RGS5: variants seen among roughly 807,000 people sequenced by gnomAD.
RGS5 encodes regulator of G-protein signalling 5.
Under a neutral mutation model 18.9 loss-of-function variants are expected in RGS5, and 20 were observed. The observed-to-expected ratio is 1.06, with a 90% CI of 0.74 to 1.54. RGS5 has a LOEUF of 1.54. RGS5 is among the 40% of genes most tolerant of loss of function. The probability of loss-of-function intolerance (pLI) is 0.00; values close to 1 mark genes in which losing one functional copy is unlikely to be tolerated. For missense variants in RGS5, 201 were observed against 211.8 expected, an observed-to-expected ratio of 0.95 and a Z score of 0.32; for synonymous variants, 57 against 76.2, an observed-to-expected ratio of 0.75 and a Z score of 1.31.
chr1:163,233,822 G>C (rs1401800514), intron 2 of RGS5, among the ~76,000 whole-genome samples: 5 of 152,112 alleles, frequency 3.3e-5, no homozygotes, highest in African/African-American at 1.2e-4. Context: ...CTATCACAAA[G>C]TACATTATCA....
chr1:163,262,980 T>C (rs1262321090), intron 2 of RGS5, among the ~76,000 whole-genome samples: 2 of 152,164 alleles, frequency 1.3e-5, no homozygotes, highest in African/African-American at 4.8e-5. Flanking sequence ...CATAAACTGA[T>C]AGGGCAGCAT....
chr1:163,167,692 T>C (rs933648078), intron 2 of RGS5, among the ~76,000 whole-genome samples: 1 of 152,174 alleles, frequency 6.6e-6, no homozygotes, highest in Non-Finnish European at 1.5e-5. Flanking sequence ...AAATAGCTAG[T>C]CCAGTATTCG....
chr1:163,152,159 G>A (rs1378883650), intron 4 of RGS5, among the ~76,000 whole-genome samples: 1 of 152,132 alleles, frequency 6.6e-6, no homozygotes, highest in East Asian at 1.9e-4. Context: ...TCAGATCAGA[G>A]ATGTTCAACC....
chr1:163,285,952 T>A (rs1557931154), intron 2 of RGS5, among the ~76,000 whole-genome samples: 2 of 151,934 alleles, frequency 1.3e-5, no homozygotes, highest in Admixed American at 6.6e-5. Flanking sequence ...CTCAGGTATG[T>A]CTTTATAGCA....
At chr1:163,208,967 C>A (rs1245780483) in intron 1 of RGS5, among the ~76,000 whole-genome samples, 1 of 152,050 alleles carries the variant, frequency 6.6e-6, no homozygotes, top group African/African-American at 2.4e-5. Context: ...ACTCTACACC[C>A]TGCTAATAGA....
At chr1:163,152,744 G>T (rs952790604) in intron 3 of RGS5, 28 bp from the exon 4 acceptor site, 8 of 1,545,048 alleles carry the variant, frequency 5.2e-6, no homozygotes, top group Non-Finnish European at 6.1e-6. Flanking sequence ...GTCAGCTGGA[G>T]AAATTTATTA....
intron 2 of RGS5, among the ~76,000 whole-genome samples, chr1:163,249,890 C>T (rs986255186): frequency 5.9e-5 from 9 of 152,334 alleles, no homozygotes; most frequent in African/African-American, 2.2e-4. Flanking sequence ...GAGTTCACAT[C>T]ATAAAGCACT....
intron 2 of RGS5, among the ~76,000 whole-genome samples, chr1:163,224,601 A>C (rs1192782602): frequency 6.6e-6 from 1 of 152,194 alleles, no homozygotes; most frequent in Non-Finnish European, 1.5e-5. Context: ...TGGTAGTTCT[A>C]TAAAAAGGAA....
At chr1:163,210,507 T>C (rs1191361894) in intron 1 of RGS5, among the ~76,000 whole-genome samples, 1 of 152,166 alleles carries the variant, frequency 6.6e-6, no homozygotes, top group African/African-American at 2.4e-5. Context: ...TAGGAGGCAG[T>C]AGAATATAGG....
chr1:163,240,093 G>T, intron 2 of RGS5, among the ~76,000 whole-genome samples: 1 of 151,352 alleles, frequency 6.6e-6, no homozygotes, highest in Non-Finnish European at 1.5e-5. Context: ...CCTGCCCTAT[G>T]CCTCAGCAAT....
intron 1 of RGS5, among the ~76,000 whole-genome samples, chr1:163,186,593 A>AG (rs1216945306): frequency 2.2e-5 from 3 of 138,922 alleles, no homozygotes; most frequent in East Asian, 2.1e-4. Context: ...AAAAAAAAAA[A>AG]AAAAGAAAAA....
intron 1 of RGS5, among the ~76,000 whole-genome samples, chr1:163,171,265 G>C (rs1359627911): frequency 6.6e-6 from 1 of 152,118 alleles, no homozygotes; most frequent in Non-Finnish European, 1.5e-5. Context: ...TGCAATATTT[G>C]TGGCTACCCT....
chr1:163,204,402 T>A (rs148183931), upstream of RGS5, among the ~76,000 whole-genome samples: 15 of 150,846 alleles, frequency 9.9e-5, no homozygotes, highest in East Asian at 2.9e-3. Flanking sequence ...GAGACTGGAG[T>A]GAAGTGGCAT....
chr1:163,316,436 T>C (rs565929879), intron 1 of RGS5, among the ~76,000 whole-genome samples: 1 of 152,334 alleles, frequency 6.6e-6, no homozygotes, highest in South Asian at 2.1e-4. Flanking sequence ...TCATAATTCA[T>C]ATAAGTGAAT....
At chr1:163,165,054 A>T (rs1191737315) in intron 2 of RGS5, among the ~76,000 whole-genome samples, 2 of 152,178 alleles carry the variant, frequency 1.3e-5, no homozygotes, top group African/African-American at 4.8e-5. Flanking sequence ...TTACCTGATA[A>T]CCAGTGGTGA....
chr1:163,313,841 C>T (rs1397249893), intron 1 of RGS5, among the ~76,000 whole-genome samples: 1 of 152,146 alleles, frequency 6.6e-6, no homozygotes, highest in East Asian at 1.9e-4. Context: ...ACACTGCCTC[C>T]ACCAGTGTAA....
intron 2 of RGS5, among the ~76,000 whole-genome samples, chr1:163,234,464 GC>G (rs1209413477): frequency 6.6e-6 from 1 of 152,058 alleles, no homozygotes; most frequent in Non-Finnish European, 1.5e-5. Context: ...GTGAACTAAT[GC>G]TTTTTTTCTT....
At chr1:163,167,496 A>G (rs1658101801) in intron 2 of RGS5, among the ~76,000 whole-genome samples, 1 of 152,194 alleles carries the variant, frequency 6.6e-6, no homozygotes, top group African/African-American at 2.4e-5. Context: ...GGGCCAATGC[A>G]CACTGTGAGA....
At chr1:163,304,077 G>A (rs1483191441) in intron 2 of RGS5, 1 of 152,124 alleles carries the variant, frequency 6.6e-6, no homozygotes, top group Non-Finnish European at 1.5e-5. Context: ...TGTACACACT[G>A]TTTCAAATTG....
Sources: gnomAD v4.1 joint callset for allele counts (sites outside exome capture counted in the v4.1 genomes callset) on GRCh38, gnomAD v4.1.1 for gene constraint, MANE v1.5 for transcripts, NCBI Gene and HGNC (gene_info 2026-07-23, HGNC 2026-07-21) for gene names.